Variants in VWA8 observed in about 807,000 individuals in gnomAD.
VWA8 encodes the protein von Willebrand factor A domain containing 8, also known as von Willebrand factor A domain-containing protein 8.
In VWA8, 221 loss-of-function variants were observed where a neutral mutation model predicts 241.5. The observed-to-expected ratio is 0.91, with a 90% CI of 0.82 to 1.02. VWA8 has a LOEUF of 1.02. Ranked by LOEUF, VWA8 falls within the 50% of genes least tolerant of loss-of-function variation. The probability of loss-of-function intolerance (pLI) is 0.00; values close to 1 mark genes in which losing one functional copy is unlikely to be tolerated. For missense variants in VWA8, 2,322 were observed against 2,328.7 expected (o/e 1.00, Z 0.06); for synonymous variants, 852 against 827.1 (o/e 1.03, Z -0.52).
chr13:41,662,237 C>T (rs369892753), intron 37 of VWA8, among the ~76,000 whole-genome samples: 1 of 152,066 alleles, frequency 6.6e-6, no homozygotes, highest in Non-Finnish European at 1.5e-5. Context: ...AGAGAACTGA[C>T]ATCATTATTA....
intron 21 of VWA8, among the ~76,000 whole-genome samples, chr13:41,760,569 T>C (rs2045732000): frequency 6.6e-6 from 1 of 151,962 alleles, no homozygotes; most frequent in African/African-American, 2.4e-5. Flanking sequence ...TATATTTTAT[T>C]TTCTAAAAAT....
intron 18 of VWA8, among the ~76,000 whole-genome samples, chr13:41,784,729 T>TATATATATATATATACAC (rs772522331): frequency 3.3e-5 from 2 of 60,096 alleles, no homozygotes; most frequent in African/African-American, 1.1e-4. Context: ...TATATATATA[T>TATATATATATATATACAC]ACACACACAT....
chr13:41,671,744 C>T (rs935839291), intron 36 of VWA8, among the ~76,000 whole-genome samples: 1 of 152,130 alleles, frequency 6.6e-6, no homozygotes, highest in Non-Finnish European at 1.5e-5. Flanking sequence ...TCCCTTCCCC[C>T]CCATTCATGT....
At chr13:41,949,891 A>C (rs1481762958) in intron 2 of VWA8, 45 bp downstream of exon 2, 1 of 1,204,166 alleles carries the variant, frequency 8.3e-7, no homozygotes, top group East Asian at 2.6e-5. Context: ...TCCTATAATG[A>C]AAAGTTAAAA....
In VWA8 at chr13:41,627,807, G is replaced by A. The variant is rs192173947; in HGVS notation, c.4612-12723C>T. 9.3e-4 allele frequency among the ~76,000 whole-genome samples: 141 copies of A among 152,142 alleles called. 1 individual carries two copies. In the South Asian group the frequency reaches 0.014, roughly 15 times the overall value. The stretch of plus-strand genomic sequence containing the variant: ...AGTGAGAGTTCCGTGATCCCCAATA[G>A]GTAAAGACTACGCCCCAGGTCAGCA... On this transcript the variant is annotated intron_variant, in intron 37 of 44. Coordinates refer to ENST00000379310, the MANE Select transcript of VWA8 (RefSeq NM_015058.2).
At position 41,591,899 on chromosome 13, in the gene VWA8, T is replaced by A. The variant is rs564930496; in HGVS notation, c.4987-1134A>T. Among the ~76,000 whole-genome samples the A allele has an allele frequency of 2.9e-5, 4 of 139,122 alleles. No homozygotes were observed. In the East Asian group the frequency reaches 6.2e-4, roughly 21 times the overall value. The allele number at this position is 139,122 out of a possible 152,430, so 91.3% of individuals were successfully genotyped here. A position where few individuals can be genotyped will look rare whatever the true frequency, so the allele number is the denominator to read the frequency against. ...TAAACTAGTTCAACCATTGTGGAAG[T>A]CAGTGTGGCGATTCCTCAGGGATCT... On this transcript the variant is annotated intron_variant, in intron 40 of 44. Coordinates refer to ENST00000379310, the MANE Select transcript of VWA8 (RefSeq NM_015058.2).
Position 41,830,543 on chromosome 13 carries a change from T to C in VWA8, c.1686A>G (p.Glu562=). The C allele has an allele frequency of 6.2e-7, 1 of 1,613,750 alleles. No homozygotes were observed. Among genetic ancestry groups the C allele is most frequent in the Non-Finnish European group, 8.5e-7 (1 of 1,179,748 alleles). ...CCCCAAATTACCTCTTCTGTAGCTG[T>C]TCATCAGACAGTTGCAGCTCCTCCT... is the stretch of plus-strand genomic sequence containing the variant. ...RLKEELQLSD[E]QLQKRSIFPI... Residue 562 remains glutamate (E), a synonymous_variant, in exon 14 of 45, where the codon GAA becomes GAG. Coordinates refer to ENST00000379310, the MANE Select transcript of VWA8 (RefSeq NM_015058.2).
At chr13:41,580,857 AC>A (rs1012099855) in intron 42 of VWA8, among the ~76,000 whole-genome samples, 8 of 152,020 alleles carry the variant, frequency 5.3e-5, no homozygotes, top group Admixed American at 4.6e-4. Context: ...GGCCATTCCT[AC>A]CCCCCAAATT....
At chr13:41,594,281 C>T (rs1018431524) in intron 40 of VWA8, among the ~76,000 whole-genome samples, 2 of 151,820 alleles carry the variant, frequency 1.3e-5, no homozygotes, top group East Asian at 1.9e-4. Flanking sequence ...TACCACTACA[C>T]CTGGTTAATT....
At position 41,761,214 on chromosome 13, in the gene VWA8, C is replaced by T; in HGVS notation, c.2350-10G>A. The T allele has an allele frequency of 1.2e-5, 20 of 1,609,490 alleles. No homozygotes were observed. Among genetic ancestry groups the T allele is most frequent in the Non-Finnish European group, 1.7e-5 (20 of 1,177,362 alleles). On this transcript the variant is annotated splice_polypyrimidine_tract_variant and intron_variant, in intron 20 of 44. Coordinates refer to ENST00000379310, the MANE Select transcript of VWA8 (RefSeq NM_015058.2). ...TGTTTTTTCCTACACCCTGTAATTA[C>T]ACAGAAAACATTAAACAAAAAGAGG...
At chr13:41,832,447 C>T (rs576520371) in intron 13 of VWA8, among the ~76,000 whole-genome samples, 2 of 152,206 alleles carry the variant, frequency 1.3e-5, no homozygotes, top group East Asian at 1.9e-4. Flanking sequence ...ATCTATGGAA[C>T]GTTTATGGTA....
rs142159443 is a variant in VWA8, at chr13:41,757,342, G to A, written c.2426+3786C>T. On this transcript the variant is annotated intron_variant, in intron 21 of 44. Coordinates refer to ENST00000379310, the MANE Select transcript of VWA8 (RefSeq NM_015058.2). ...AAGTCCTAGGTTTATATAATACATC[G>A]TTCATACAAAGAACCATGAGAAGAT... is the stretch of plus-strand genomic sequence containing the variant. Among the ~76,000 whole-genome samples the A allele has an allele frequency of 4.9e-3, 744 of 151,644 alleles. 2 individuals are homozygous for A. Among genetic ancestry groups the A allele is most frequent in the African/African-American group, 0.016 (672 of 41,428 alleles).
chr13:41,902,107 T>C (rs1014705321), intron 4 of VWA8, among the ~76,000 whole-genome samples: 3 of 151,196 alleles, frequency 2.0e-5, no homozygotes, highest in East Asian at 1.9e-4. Flanking sequence ...TTTGTACTAG[T>C]GAAAAGTGAG....
chr13:41,758,571 CTTGT>C (rs1364457022), intron 21 of VWA8, among the ~76,000 whole-genome samples: 3 of 144,862 alleles, frequency 2.1e-5, no homozygotes, highest in African/African-American at 7.8e-5. Flanking sequence ...ATCTTATGAC[CTTGT>C]TTAACTTATT....
chr13:41,680,210 GTTTAGT>G (rs2045089264), intron 35 of VWA8, among the ~76,000 whole-genome samples: 1 of 151,970 alleles, frequency 6.6e-6, no homozygotes, highest in Admixed American at 6.6e-5. Flanking sequence ...TGTTTTGTTT[GTTTAGT>G]TTTATTTAGT....
intron 4 of VWA8, among the ~76,000 whole-genome samples, chr13:41,904,880 C>A (rs1468062798): frequency 6.6e-6 from 1 of 151,980 alleles, no homozygotes; most frequent in Non-Finnish European, 1.5e-5. Context: ...TAATATCTAC[C>A]CTTTCTAAAA....
At chr13:41,923,219 G>A (rs1287407776) in intron 2 of VWA8, among the ~76,000 whole-genome samples, 2 of 152,154 alleles carry the variant, frequency 1.3e-5, no homozygotes, top group African/African-American at 4.8e-5. Flanking sequence ...CTCACTCATA[G>A]GTGGGAAATT....
chr13:41,583,672 A>T (rs1259721229), intron 42 of VWA8, among the ~76,000 whole-genome samples: 1 of 151,620 alleles, frequency 6.6e-6, no homozygotes, highest in East Asian at 1.9e-4. Context: ...ACAAACAAAA[A>T]AAGAATCTAT....
chr13:41,615,975 G>C (rs150612221), intron 37 of VWA8, among the ~76,000 whole-genome samples: 10 of 152,284 alleles, frequency 6.6e-5, no homozygotes, highest in Non-Finnish European at 1.5e-4. Flanking sequence ...GTTCAAATAA[G>C]ACTTAAAGAA....
Sources: gnomAD v4.1 joint callset for allele counts (sites outside exome capture counted in the v4.1 genomes callset) on GRCh38, gnomAD v4.1.1 for gene constraint, MANE v1.5 for transcripts, NCBI Gene and HGNC (gene_info 2026-07-23, HGNC 2026-07-21) for gene names.